Variants in IQGAP1 observed in about 807,000 individuals in gnomAD.
The protein encoded by IQGAP1 is ras GTPase-activating-like protein IQGAP1.
Under a neutral mutation model 215.6 loss-of-function variants are expected in IQGAP1, and 66 were observed. The observed-to-expected ratio is 0.31, with a 90% CI of 0.25 to 0.38. The LOEUF is 0.38. Among genes scored for constraint, IQGAP1 ranks in the 10% least tolerant of loss-of-function variants. The pLI is 1.00. For missense variants in IQGAP1, 1,712 were observed against 1,997.1 expected, an observed-to-expected ratio of 0.86 and a Z score of 2.72; for synonymous variants, 772 against 728.7, an observed-to-expected ratio of 1.06 and a Z score of -0.96.
intron 5 of IQGAP1, among the ~76,000 whole-genome samples, chr15:90,435,399 C>A (rs138456704): frequency 9.9e-4 from 151 of 152,256 alleles, no homozygotes; most frequent in Non-Finnish European, 1.6e-3. Flanking sequence ...TCACTTAAGC[C>A]GAGGAGTTTG....
intron 35 of IQGAP1, among the ~76,000 whole-genome samples, chr15:90,493,430 G>A (rs528246707): frequency 2.0e-5 from 3 of 152,230 alleles, no homozygotes; most frequent in South Asian, 4.1e-4. Context: ...CAGCCTTCTT[G>A]GCACTGGCCA....
chr15:90,466,563 A>C, intron 17 of IQGAP1, 127 bp downstream of exon 17: 1 of 861,210 alleles, frequency 1.2e-6, no homozygotes, highest in Non-Finnish European at 1.8e-6. Context: ...ACTTAGGCTC[A>C]TTTTAAAGGA....
intron 4 of IQGAP1, among the ~76,000 whole-genome samples, chr15:90,432,286 C>G (rs1567124359): frequency 6.6e-6 from 1 of 152,106 alleles, no homozygotes; most frequent in Non-Finnish European, 1.5e-5. Flanking sequence ...CTTGGAGATA[C>G]CTTGAACTTC....
At chr15:90,483,124 C>T in intron 28 of IQGAP1, 2 of 435,348 alleles carry the variant, frequency 4.6e-6, no homozygotes, top group East Asian at 4.0e-5. Flanking sequence ...TAACTACTGG[C>T]AGTAGTTTTC....
At chr15:90,440,375 T>C (rs1043338159) in intron 6 of IQGAP1, 127 bp from the exon 7 acceptor site, 12 of 650,886 alleles carry the variant, frequency 1.8e-5, no homozygotes, top group Non-Finnish European at 3.3e-5. Context: ...TGTATCTTTA[T>C]ATCCTTATAA....
Position 90,491,413 on chromosome 15 carries a change from T to C in IQGAP1, c.4329T>C (p.Ser1443=), listed in dbSNP as rs746536613. Residue 1443 remains serine, a synonymous_variant, in exon 34 of 38, where the codon TCT becomes TCC. Coordinates refer to ENST00000268182, the MANE Select transcript of IQGAP1 (RefSeq NM_003870.4). ...CTGACAAGATGAAAAAGTCAAAATC[T>C]GTAAAGGAAGACAGCAACCTCACTC... ...KTPDKMKKSK[S]VKEDSNLTLQ... 2.5e-6 allele frequency: 4 copies of C among 1,613,982 alleles called. No individual in the cohort carries two copies. Among genetic ancestry groups the C allele is most frequent in the East Asian group, 4.5e-5 (2 of 44,882 alleles).
intron 23 of IQGAP1, 180 bp downstream of exon 23, chr15:90,474,873 G>C (rs1596285374): frequency 1.7e-6 from 1 of 573,368 alleles, no homozygotes; most frequent in East Asian, 2.9e-5. Context: ...AGTGCGATGT[G>C]ATCTCAGCTC....
intron 3 of IQGAP1, among the ~76,000 whole-genome samples, chr15:90,428,324 A>T (rs1158336561): frequency 6.6e-6 from 1 of 151,826 alleles, no homozygotes; most frequent in Non-Finnish European, 1.5e-5. Context: ...TTATCCTCCC[A>T]CCTTGGCCTC....
intron 3 of IQGAP1, among the ~76,000 whole-genome samples, chr15:90,428,485 TAA>T (rs1275697885): frequency 6.8e-6 from 1 of 146,816 alleles, no homozygotes; most frequent in Non-Finnish European, 1.5e-5. Flanking sequence ...GCAGCAACAA[TAA>T]AAAAAAAATG....
At chr15:90,464,402 A>G (rs534186381) in intron 15 of IQGAP1, among the ~76,000 whole-genome samples, 1 of 152,204 alleles carries the variant, frequency 6.6e-6, no homozygotes. Context: ...ATGGAAATCT[A>G]ATGGGGTATC....
At chr15:90,405,154 AT>A (rs1227160935) in intron 2 of IQGAP1, among the ~76,000 whole-genome samples, 1 of 152,126 alleles carries the variant, frequency 6.6e-6, no homozygotes, top group Admixed American at 6.6e-5. Flanking sequence ...CGTATTTTAC[AT>A]TTTGAGTCTT....
intron 2 of IQGAP1, among the ~76,000 whole-genome samples, chr15:90,421,567 A>ATAC (rs1268466393): frequency 1.3e-5 from 2 of 152,148 alleles, no homozygotes; most frequent in East Asian, 3.8e-4. Flanking sequence ...TAATAAAATA[A>ATAC]TTTAAGCTGA....
chr15:90,474,029 A>G (rs201856102), intron 21 of IQGAP1, 35 bp from the exon 22 acceptor site: 28 of 1,591,996 alleles, frequency 1.8e-5, no homozygotes, highest in Non-Finnish European at 2.3e-5. Flanking sequence ...TGGTAGACAG[A>G]TGAACAGAGA....
At chr15:90,445,310 ACATT>A (rs775907636) in intron 9 of IQGAP1, among the ~76,000 whole-genome samples, 4 of 151,926 alleles carry the variant, frequency 2.6e-5, no homozygotes, top group Non-Finnish European at 5.9e-5. Flanking sequence ...TACTCAATGA[ACATT>A]AATATTATCG....
chr15:90,482,198 T>C lies in IQGAP1; in HGVS notation c.3472T>C (p.Tyr1158His). Residue 1158 changes from tyrosine to histidine, a missense_variant and splice_region_variant, in exon 28 of 38, where the codon TAT becomes CAT. Tyr to His is a moderately conservative substitution (Grantham distance 83). This residue lies in a region of IQGAP1 where 691 missense variants were observed against 923.0 expected (regional missense o/e 0.75). Transcript: ENST00000268182. ...AIVSSVDKIP[Y>H]GMRFIAKVLK... ...CACTAAGTTTTGTCCATCCCGCAGT[T>C]ATGGGATGCGCTTCATTGCCAAAGT... 1 of 1,614,232 alleles carries C rather than the reference T, an allele frequency of 6.2e-7. No individual in the cohort carries two copies. The highest frequency in any genetic ancestry group is 8.5e-7 in the Non-Finnish European group (1 of 1,180,032).
At chr15:90,436,795 C>G (rs2151017749) in intron 5 of IQGAP1, among the ~76,000 whole-genome samples, 1 of 152,268 alleles carries the variant, frequency 6.6e-6, no homozygotes, top group Non-Finnish European at 1.5e-5. Context: ...CGTTTTGAAT[C>G]CTTTCATAGC....
At chr15:90,494,164 A>G (rs1220674226) in intron 35 of IQGAP1, 1 of 152,252 alleles carries the variant, frequency 6.6e-6, no homozygotes, top group Non-Finnish European at 1.5e-5. Flanking sequence ...TCTTGTACAT[A>G]TGTCATTTTG....
At chr15:90,392,040 T>A (rs564866223) in intron 2 of IQGAP1, 2 of 152,306 alleles carry the variant, frequency 1.3e-5, no homozygotes, top group South Asian at 4.1e-4. Context: ...CTAACAAATG[T>A]TAACATTTGA....
At chr15:90,498,166 C>T (rs1045549452) in intron 37 of IQGAP1, among the ~76,000 whole-genome samples, 6 of 151,866 alleles carry the variant, frequency 4.0e-5, no homozygotes, top group African/African-American at 1.5e-4. Flanking sequence ...CCCTTGCAGA[C>T]ATCCTCTGTT....
Sources: gnomAD v4.1 joint callset for allele counts (sites outside exome capture counted in the v4.1 genomes callset) on GRCh38, gnomAD v4.1.1 for gene constraint, gnomAD v4.1.1 regional missense constraint, MANE v1.5 for transcripts, NCBI Gene and HGNC (gene_info 2026-07-23, HGNC 2026-07-21) for gene names.